Variants in FOXK2 observed in about 807,000 individuals in gnomAD.
The protein encoded by FOXK2 is forkhead box K2, also known as forkhead box protein K2.
FOXK2 carries 24 observed loss-of-function variants against 53.3 expected under a neutral mutation model. That is an observed-to-expected ratio of 0.45 (90% CI 0.33 to 0.63). The LOEUF (loss-of-function observed/expected upper bound fraction) is 0.63. FOXK2 is among the 30% of genes least tolerant of loss of function. FOXK2 has a pLI of 0.03. For synonymous variants in FOXK2, 505 were observed against 407.1 expected (o/e 1.24, Z -2.89); for missense variants, 952 against 910.5 (o/e 1.05, Z -0.59).
At chr17:82,533,498 A>AG (rs1160976421) in intron 1 of FOXK2, among the ~76,000 whole-genome samples, 2 of 152,062 alleles carry the variant, frequency 1.3e-5, no homozygotes, top group East Asian at 3.9e-4. Flanking sequence ...TCAAAAAAAA[A>AG]AAGTATAGTG....
intron 4 of FOXK2, among the ~76,000 whole-genome samples, chr17:82,581,500 G>C (rs1279857919): frequency 6.8e-6 from 1 of 148,136 alleles, no homozygotes; most frequent in East Asian, 2.0e-4. Flanking sequence ...TTTTGAGATG[G>C]AGTCTTACTC....
At chr17:82,575,660 A>G (rs1037195887) in intron 4 of FOXK2, among the ~76,000 whole-genome samples, 15 of 152,218 alleles carry the variant, frequency 9.9e-5, no homozygotes, top group African/African-American at 3.4e-4. Flanking sequence ...GTGGCTTTTC[A>G]CGTGGAACTT....
At chr17:82,589,101 T>C (rs1007631849) in intron 8 of FOXK2, among the ~76,000 whole-genome samples, 15 of 152,182 alleles carry the variant, frequency 9.9e-5, no homozygotes, top group Non-Finnish European at 1.9e-4. Flanking sequence ...ATTTAAGTTA[T>C]CTGGAATTTT....
chr17:82,591,681 G>A (rs912314410), intron 8 of FOXK2, among the ~76,000 whole-genome samples: 3 of 152,182 alleles, frequency 2.0e-5, no homozygotes, highest in Admixed American at 6.5e-5. Context: ...GAGTCCAGGC[G>A]CCCAAGCTCT....
intron 1 of FOXK2, among the ~76,000 whole-genome samples, chr17:82,534,363 A>G (rs2044500848): frequency 6.6e-6 from 1 of 152,244 alleles, no homozygotes; most frequent in African/African-American, 2.4e-5. Flanking sequence ...GTCAGGGCAC[A>G]TGACTTGTCG....
intron 1 of FOXK2, among the ~76,000 whole-genome samples, chr17:82,546,091 T>C (rs1049129405): frequency 3.0e-4 from 45 of 151,614 alleles, no homozygotes; most frequent in African/African-American, 1.0e-3. Context: ...TTCTATGTGC[T>C]TACTTGCTAC....
chr17:82,524,182 G>A (rs973543041), intron 1 of FOXK2, among the ~76,000 whole-genome samples: 1 of 152,138 alleles, frequency 6.6e-6, no homozygotes, highest in Non-Finnish European at 1.5e-5. Context: ...GAGCCACTGC[G>A]CCTGTCCTAA....
At chr17:82,550,893 T>C (rs2044670487) in intron 1 of FOXK2, among the ~76,000 whole-genome samples, 1 of 152,186 alleles carries the variant, frequency 6.6e-6, no homozygotes, top group South Asian at 2.1e-4. Flanking sequence ...AACTAGGTGG[T>C]TTCTAAGTCA....
rs2045180641 is a variant in FOXK2, at chr17:82,586,825, C to G, written c.1577-238C>G. On this transcript the variant is annotated intron_variant, in intron 7 of 8. Coordinates refer to ENST00000335255, the MANE Select transcript of FOXK2 (RefSeq NM_004514.4). ...CTGAGGCGGGAGAATCACTTGAACCCGGAAGGTGGAGGTTGCAGTGAGCTG... is the reference window on the plus strand; with the variant it reads ...CTGAGGCGGGAGAATCACTTGAACCGGGAAGGTGGAGGTTGCAGTGAGCTG... Among the ~76,000 whole-genome samples the G allele has an allele frequency of 5.3e-5, 8 of 152,128 alleles. No individual in the cohort carries two copies. In the South Asian group the frequency reaches 1.7e-3, roughly 32 times the overall value.
intron 1 of FOXK2, among the ~76,000 whole-genome samples, chr17:82,541,049 C>T (rs911470307): frequency 6.6e-6 from 1 of 151,978 alleles, no homozygotes; most frequent in South Asian, 2.1e-4. Flanking sequence ...GCCCTCCCAG[C>T]GGTTGGAGGG....
chr17:82,555,281 TG>T (rs1314377327), intron 1 of FOXK2, among the ~76,000 whole-genome samples: 15 of 152,296 alleles, frequency 9.8e-5, no homozygotes, highest in Non-Finnish European at 2.1e-4. Flanking sequence ...CTGAGCTCAT[TG>T]CCCTGCAGCC....
chr17:82,572,970 C>T (rs994011410), intron 4 of FOXK2, among the ~76,000 whole-genome samples: 1 of 152,042 alleles, frequency 6.6e-6, no homozygotes, highest in East Asian at 1.9e-4. Flanking sequence ...GCAGGTGGAT[C>T]GCGTGACTCT....
chr17:82,541,418 G>A (rs755022595), intron 1 of FOXK2, among the ~76,000 whole-genome samples: 2 of 151,326 alleles, frequency 1.3e-5, no homozygotes, highest in African/African-American at 4.9e-5. Context: ...GATTACAGGC[G>A]CCCGCCATCA....
chr17:82,543,774 C>CTTTT (rs59720257), intron 1 of FOXK2, among the ~76,000 whole-genome samples: 10 of 112,322 alleles, frequency 8.9e-5, no homozygotes, highest in Non-Finnish European at 1.4e-4. Context: ...GCATGCTTAG[C>CTTTT]TTTTTTTTTT....
rs765737762 is a variant in FOXK2, at chr17:82,601,261, C to T, written c.1787-42C>T. ...CGTGGGGTTCTGAGTCGCGAGGGTT[C>T]ACGTGAGAGCGTGGGGTTCTGACTC... is the stretch of plus-strand genomic sequence containing the variant. On this transcript the variant is annotated intron_variant, in intron 8 of 8. Transcript: ENST00000335255. 8.8e-6 allele frequency: 14 copies of T among 1,585,794 alleles called. No homozygotes were observed. The Admixed American group carries it at 1.5e-4, about 17-fold the overall frequency.
chr17:82,543,291 C>T (rs917179943), intron 1 of FOXK2, among the ~76,000 whole-genome samples: 1 of 152,174 alleles, frequency 6.6e-6, no homozygotes, highest in African/African-American at 2.4e-5. Context: ...GCTCTGGTAC[C>T]CAGGCTGGAA....
chr17:82,596,547 G>GCCCTGGTGCCCTCGTGACGCCC (rs1555644203), intron 8 of FOXK2, among the ~76,000 whole-genome samples: 1 of 152,096 alleles, frequency 6.6e-6, no homozygotes, highest in Admixed American at 6.5e-5. Context: ...CGCACTTTCT[G>GCCCTGGTGCCCTCGTGACGCCC]CGGGCAGTCT....
At position 82,586,042 on chromosome 17, in the gene FOXK2, T is replaced by A; in HGVS notation, c.1418T>A (p.Val473Asp). 1 of 1,612,762 alleles carries A rather than the reference T, an allele frequency of 6.2e-7. No homozygotes were observed. Among genetic ancestry groups the A allele is most frequent in the Non-Finnish European group, 8.5e-7 (1 of 1,179,980 alleles). ...CCACCCGTCGTGCAGACGGTTCACG[T>A]CGTCCACCAGATCCCAGCGGTGTCG... ...SQPPVVQTVH[V>D]VHQIPAVSVT... Residue 473 changes from valine (V) to aspartate (D), a missense_variant, in exon 7 of 9, where the codon GTC becomes GAC. By Grantham distance (152) the Val-to-Asp change is radical. Coordinates refer to ENST00000335255, the MANE Select transcript of FOXK2 (RefSeq NM_004514.4).
intron 1 of FOXK2, among the ~76,000 whole-genome samples, chr17:82,543,774 C>CTTTTT (rs59720257): frequency 2.7e-5 from 3 of 112,324 alleles, no homozygotes; most frequent in Admixed American, 9.6e-5. Flanking sequence ...GCATGCTTAG[C>CTTTTT]TTTTTTTTTT....
Sources: gnomAD v4.1 joint callset for allele counts (sites outside exome capture counted in the v4.1 genomes callset) on GRCh38, gnomAD v4.1.1 for gene constraint, MANE v1.5 for transcripts, NCBI Gene and HGNC (gene_info 2026-07-23, HGNC 2026-07-21) for gene names.